The following RIMS2 variants were observed in gnomAD, a reference collection of about 807,000 sequenced individuals.
The protein encoded by RIMS2 is regulating synaptic membrane exocytosis protein 2.
In RIMS2, 59 loss-of-function variants were observed where a neutral mutation model predicts 174.4. The observed-to-expected ratio is 0.34, with a 90% CI of 0.27 to 0.42. The LOEUF (loss-of-function observed/expected upper bound fraction) is 0.42, where lower values mean the gene tolerates loss of function less well. Ranked by LOEUF, RIMS2 falls within the 10% of genes least tolerant of loss-of-function variation. The pLI is 1.00. For synonymous variants in RIMS2, 606 were observed against 572.5 expected (o/e 1.06, Z -0.84); for missense variants, 1,620 against 1,666.3 (o/e 0.97, Z 0.48).
At chr8:103,645,330 G>A (rs2096305506) in intron 1 of RIMS2, among the ~76,000 whole-genome samples, 1 of 151,900 alleles carries the variant, frequency 6.6e-6, no homozygotes, top group Non-Finnish European at 1.5e-5. Context: ...GAGAATACAG[G>A]ATATAATTTT....
chr8:104,218,194 A>G (rs1471605486), intron 19 of RIMS2, among the ~76,000 whole-genome samples: 1 of 152,252 alleles, frequency 6.6e-6, no homozygotes, highest in Admixed American at 6.5e-5. Flanking sequence ...TCTCTCAGCA[A>G]CTAGCCTTTT....
intron 2 of RIMS2, among the ~76,000 whole-genome samples, chr8:103,758,520 C>T (rs1268196237): frequency 1.3e-5 from 2 of 151,882 alleles, no homozygotes; most frequent in African/African-American, 2.4e-5. Context: ...TTAATGAAGA[C>T]GTGAACATGA....
intron 3 of RIMS2, among the ~76,000 whole-genome samples, chr8:103,780,589 T>TA: frequency 6.6e-6 from 1 of 152,270 alleles, no homozygotes; most frequent in Non-Finnish European, 1.5e-5. Flanking sequence ...TTTTGTTTTT[T>TA]AAAAATTATT....
chr8:103,549,242 G>C (rs968679457), intron 1 of RIMS2, among the ~76,000 whole-genome samples: 3 of 152,136 alleles, frequency 2.0e-5, no homozygotes, highest in Non-Finnish European at 2.9e-5. Context: ...TACCCACAAA[G>C]GGAAGGCTAT....
intron 13 of RIMS2, among the ~76,000 whole-genome samples, chr8:103,939,428 C>T (rs2082035439): frequency 6.6e-6 from 1 of 152,106 alleles, no homozygotes. Context: ...TCACCAAGTC[C>T]CTATACTTGG....
At chr8:103,793,463 G>A (rs200721322) in intron 3 of RIMS2, among the ~76,000 whole-genome samples, 1 of 151,982 alleles carries the variant, frequency 6.6e-6, no homozygotes, top group African/African-American at 2.4e-5. Context: ...GACAAACCCA[G>A]AGCCAATATC....
intron 3 of RIMS2, among the ~76,000 whole-genome samples, chr8:103,792,639 T>A (rs2098510613): frequency 1.8e-5 from 1 of 55,756 alleles, no homozygotes; most frequent in African/African-American, 8.0e-5. Context: ...AGGAGCTGGT[T>A]TTTTTTTTTT....
intron 1 of RIMS2, among the ~76,000 whole-genome samples, chr8:103,604,367 T>C (rs1004469640): frequency 4.0e-4 from 61 of 152,204 alleles, no homozygotes; most frequent in African/African-American, 1.4e-3. Context: ...TATCTCTGTT[T>C]TGGTACCAGT....
chr8:103,628,279 A>G (rs2095833813), intron 1 of RIMS2, among the ~76,000 whole-genome samples: 1 of 152,104 alleles, frequency 6.6e-6, no homozygotes, highest in Non-Finnish European at 1.5e-5. Context: ...AGACCTTACA[A>G]GAGAAAGAAA....
At chr8:103,573,446 A>T (rs1202600595) in intron 1 of RIMS2, among the ~76,000 whole-genome samples, 1 of 152,092 alleles carries the variant, frequency 6.6e-6, no homozygotes, top group Admixed American at 6.6e-5. Context: ...ATTGCTAGCC[A>T]GTTTGTTTAT....
chr8:104,028,637 A>T (rs2154555963), intron 19 of RIMS2, among the ~76,000 whole-genome samples: 1 of 152,294 alleles, frequency 6.6e-6, no homozygotes, highest in Middle Eastern at 3.4e-3. Context: ...CATCTCTGTT[A>T]TAGGTACTCT....
chr8:104,054,033 A>G (rs945672348), intron 19 of RIMS2, among the ~76,000 whole-genome samples: 1 of 152,156 alleles, frequency 6.6e-6, no homozygotes, highest in African/African-American at 2.4e-5. Flanking sequence ...GTTTTCACAC[A>G]AGGGCATTTG....
intron 1 of RIMS2, among the ~76,000 whole-genome samples, chr8:103,547,790 A>G (rs1409299704): frequency 6.6e-6 from 1 of 152,168 alleles, no homozygotes; most frequent in Non-Finnish European, 1.5e-5. Flanking sequence ...AAAAGAGAGA[A>G]CATCCAAATA....
intron 19 of RIMS2, among the ~76,000 whole-genome samples, chr8:104,160,366 C>G (rs2134660342): frequency 6.6e-6 from 1 of 152,102 alleles, no homozygotes; most frequent in East Asian, 1.9e-4. Context: ...ACAATTTAAT[C>G]TCTTTAGAGA....
intron 2 of RIMS2, among the ~76,000 whole-genome samples, chr8:103,708,921 A>G (rs2097266837): frequency 6.6e-6 from 1 of 152,144 alleles, no homozygotes; most frequent in Non-Finnish European, 1.5e-5. Context: ...TATATTAGGC[A>G]GCTTGTAATT....
At chr8:104,154,237 A>G (rs1054089910) in intron 19 of RIMS2, among the ~76,000 whole-genome samples, 4 of 152,192 alleles carry the variant, frequency 2.6e-5, no homozygotes, top group Non-Finnish European at 5.9e-5. Flanking sequence ...TGGAAGTTGG[A>G]ATTTGAATCC....
At chr8:103,809,334 T>TA (rs1455821180) in intron 3 of RIMS2, among the ~76,000 whole-genome samples, 3 of 152,086 alleles carry the variant, frequency 2.0e-5, no homozygotes, top group African/African-American at 7.2e-5. Context: ...AACCTGTTAT[T>TA]ACAAGTTTTC....
chr8:104,090,996 T>C (rs2097646326), intron 19 of RIMS2, among the ~76,000 whole-genome samples: 1 of 151,830 alleles, frequency 6.6e-6, no homozygotes, highest in South Asian at 2.1e-4. Flanking sequence ...TCATTTGTTA[T>C]CACTTGTTAT....
intron 2 of RIMS2, among the ~76,000 whole-genome samples, chr8:103,724,993 C>T (rs1393416831): frequency 6.6e-6 from 1 of 152,058 alleles, no homozygotes; most frequent in East Asian, 1.9e-4. Context: ...GATGAACTGC[C>T]TGTAGAAAAT....
Sources: gnomAD v4.1 joint callset for allele counts (sites outside exome capture counted in the v4.1 genomes callset) on GRCh38, gnomAD v4.1.1 for gene constraint, MANE v1.5 for transcripts, NCBI Gene and HGNC (gene_info 2026-07-23, HGNC 2026-07-21) for gene names.